CNTNAP5: variants seen among roughly 807,000 people sequenced by gnomAD.
CNTNAP5 encodes the protein contactin-associated protein-like 5.
In CNTNAP5, 72 loss-of-function variants were observed where a neutral mutation model predicts 150.2. The ratio of observed to expected loss-of-function variants is 0.48; its 90% CI spans 0.40 to 0.58. CNTNAP5 has a LOEUF of 0.58. Ranked by LOEUF, CNTNAP5 falls within the 20% of genes least tolerant of loss-of-function variation. CNTNAP5 has a pLI of 0.00. For missense variants in CNTNAP5, 1,636 were observed against 1,626.2 expected (o/e 1.01, Z -0.10); for synonymous variants, 672 against 619.8 (o/e 1.08, Z -1.25).
intron 13 of CNTNAP5, among the ~76,000 whole-genome samples, chr2:124,719,815 G>T (rs999677417): frequency 5.3e-5 from 8 of 152,090 alleles, no homozygotes; most frequent in Non-Finnish European, 1.0e-4. Context: ...GAGAAACTTT[G>T]CCTTAACATT....
chr2:124,650,533 C>G (rs1420306790), intron 13 of CNTNAP5, among the ~76,000 whole-genome samples: 1 of 152,184 alleles, frequency 6.6e-6, no homozygotes, highest in African/African-American at 2.4e-5. Flanking sequence ...TTAAGCCACT[C>G]ATTCCCTTCC....
chr2:124,747,790 T>TC (rs1233171409), intron 14 of CNTNAP5, among the ~76,000 whole-genome samples: 2 of 53,884 alleles, frequency 3.7e-5, no homozygotes, highest in East Asian at 5.3e-4. Flanking sequence ...TAACTCTTCT[T>TC]TTTTTTTTTT....
chr2:124,217,121 T>A (rs1198351247), intron 1 of CNTNAP5, among the ~76,000 whole-genome samples: 5 of 152,288 alleles, frequency 3.3e-5, no homozygotes, highest in African/African-American at 1.2e-4. Flanking sequence ...TCTGTGAAAT[T>A]TGGTTCATTC....
intron 1 of CNTNAP5, among the ~76,000 whole-genome samples, chr2:124,206,416 C>G (rs941834715): frequency 6.6e-6 from 1 of 152,110 alleles, no homozygotes; most frequent in African/African-American, 2.4e-5. Flanking sequence ...AAAGGGAAAC[C>G]CTTGTCAACA....
At chr2:124,675,420 C>T (rs925349561) in intron 13 of CNTNAP5, among the ~76,000 whole-genome samples, 4 of 152,000 alleles carry the variant, frequency 2.6e-5, no homozygotes, top group African/African-American at 9.7e-5. Flanking sequence ...TTGTATCAAT[C>T]TCTACCTTAT....
intron 4 of CNTNAP5, among the ~76,000 whole-genome samples, chr2:124,420,047 A>G (rs1692061282): frequency 7.7e-6 from 1 of 130,178 alleles, no homozygotes; most frequent in East Asian, 2.2e-4. Flanking sequence ...GCTGGAGTGC[A>G]TGGCATGATC....
chr2:124,916,124 C>G lies in CNTNAP5; in HGVS notation c.*1836C>G, dbSNP rs1678763549. ...ATGAGTTAAGGATTTAGTTTGCAATCATATTTCTCTATTTTAAGATGTTGT... is the reference window on the plus strand; with the variant it reads ...ATGAGTTAAGGATTTAGTTTGCAATGATATTTCTCTATTTTAAGATGTTGT... On this transcript the variant is annotated 3_prime_UTR_variant, in exon 24 of 24. Coordinates refer to ENST00000682447, the MANE Select transcript of CNTNAP5 (RefSeq NM_001367498.1). 1.3e-5 allele frequency among the ~76,000 whole-genome samples: 2 copies of G among 152,028 alleles called. No individual in the cohort carries two copies. Among genetic ancestry groups the G allele is most frequent in the African/African-American group, 4.8e-5 (2 of 41,416 alleles).
chr2:124,868,759 A>G (rs981307380), intron 20 of CNTNAP5, among the ~76,000 whole-genome samples: 3 of 152,148 alleles, frequency 2.0e-5, no homozygotes, highest in Non-Finnish European at 4.4e-5. Context: ...ACTATGTATG[A>G]GTCCCTGGTG....
chr2:124,091,675 C>T (rs1189141620), intron 1 of CNTNAP5, among the ~76,000 whole-genome samples: 2 of 152,100 alleles, frequency 1.3e-5, no homozygotes, highest in Non-Finnish European at 2.9e-5. Flanking sequence ...ATTGAGTTTA[C>T]CTTGGGAGCT....
intron 5 of CNTNAP5, among the ~76,000 whole-genome samples, chr2:124,445,945 A>T (rs190313207): frequency 6.6e-6 from 1 of 152,268 alleles, no homozygotes; most frequent in East Asian, 1.9e-4. Flanking sequence ...CATAAAATTG[A>T]GAGAGAAGGA....
intron 10 of CNTNAP5, among the ~76,000 whole-genome samples, chr2:124,551,013 G>C (rs1325499212): frequency 1.3e-5 from 2 of 152,082 alleles, no homozygotes; most frequent in African/African-American, 4.8e-5. Context: ...GAAGAACTGA[G>C]CACTTCAGGG....
chr2:124,888,364 C>T (rs898530536), intron 21 of CNTNAP5, among the ~76,000 whole-genome samples: 3 of 152,052 alleles, frequency 2.0e-5, no homozygotes, highest in Admixed American at 6.6e-5. Context: ...ACATGTAGTT[C>T]GATTCCATGT....
intron 3 of CNTNAP5, among the ~76,000 whole-genome samples, chr2:124,253,825 A>G (rs1687244209): frequency 6.6e-6 from 1 of 151,958 alleles, no homozygotes; most frequent in Non-Finnish European, 1.5e-5. Context: ...AGCAACCTGT[A>G]ACTGTACTCC....
chr2:124,530,286 G>C (rs147024244), intron 10 of CNTNAP5, among the ~76,000 whole-genome samples: 1 of 152,084 alleles, frequency 6.6e-6, no homozygotes, highest in Non-Finnish European at 1.5e-5. Context: ...CTCCAGCCTG[G>C]GCGACAGAGC....
At chr2:124,334,888 G>T (rs930357559) in intron 3 of CNTNAP5, among the ~76,000 whole-genome samples, 2 of 151,960 alleles carry the variant, frequency 1.3e-5, no homozygotes, top group Admixed American at 1.3e-4. Context: ...CGACAATTAG[G>T]ATCTCCGATG....
intron 3 of CNTNAP5, among the ~76,000 whole-genome samples, chr2:124,245,936 G>A (rs1262962422): frequency 1.3e-5 from 2 of 151,722 alleles, no homozygotes; most frequent in Non-Finnish European, 1.5e-5. Context: ...TTAGAGATGG[G>A]TTCTCACTAT....
chr2:124,271,697 CT>C (rs1234762471), intron 3 of CNTNAP5, among the ~76,000 whole-genome samples: 67 of 128,844 alleles, frequency 5.2e-4, no homozygotes, highest in African/African-American at 1.4e-3. Context: ...ATCTATCTAT[CT>C]ATCATCTATC....
chr2:124,747,112 A>T (rs1680619004), intron 13 of CNTNAP5, 117 bp from the exon 14 acceptor site: 6 of 839,748 alleles, frequency 7.1e-6, no homozygotes, highest in Non-Finnish European at 1.0e-5. Flanking sequence ...ACAGGAAGGG[A>T]AGGAGATTAT....
intron 21 of CNTNAP5, among the ~76,000 whole-genome samples, chr2:124,879,312 A>G (rs904823722): frequency 6.6e-6 from 1 of 152,158 alleles, no homozygotes; most frequent in Admixed American, 6.5e-5. Context: ...AGGAAAACAC[A>G]CACAGGCACA....
Sources: gnomAD v4.1 joint callset for allele counts (sites outside exome capture counted in the v4.1 genomes callset) on GRCh38, gnomAD v4.1.1 for gene constraint, MANE v1.5 for transcripts, NCBI Gene and HGNC (gene_info 2026-07-23, HGNC 2026-07-21) for gene names.